Variants in PLD1 observed in about 807,000 individuals in gnomAD.
The protein encoded by PLD1 is phospholipase D1, also known as choline phosphatase 1.
Under a neutral mutation model 137.1 loss-of-function variants are expected in PLD1, and 112 were observed. The ratio of observed to expected loss-of-function variants is 0.82; its 90% CI spans 0.70 to 0.96. The LOEUF (loss-of-function observed/expected upper bound fraction) is 0.96. Ranked by LOEUF, PLD1 falls within the 40% of genes least tolerant of loss-of-function variation. The probability of loss-of-function intolerance (pLI) is 0.00; values close to 1 mark genes in which losing one functional copy is unlikely to be tolerated. For missense variants in PLD1, 1,321 were observed against 1,342.0 expected, an observed-to-expected ratio of 0.98 and a Z score of 0.24; for synonymous variants, 431 against 454.7, an observed-to-expected ratio of 0.95 and a Z score of 0.66.
chr3:171,620,742 C>CTCTATATA lies in PLD1; in HGVS notation c.2594-223_2594-222insTATATAGA, dbSNP rs1473647659. ...TTTCTCTCTCTCTCTCTCTCTCTCT[C>CTCTATATA]TATATATATATATATATATATATAT... is the stretch of plus-strand genomic sequence containing the variant. On this transcript the variant is annotated intron_variant, in intron 23 of 26. Coordinates refer to ENST00000351298, the MANE Select transcript of PLD1 (RefSeq NM_002662.5). Among the ~76,000 whole-genome samples, 353 of 94,740 alleles carry CTCTATATA rather than the reference C, an allele frequency of 3.7e-3. 1 individual carries two copies. Among genetic ancestry groups the CTCTATATA allele is most frequent in the Non-Finnish European group, 4.9e-3 (240 of 49,262 alleles). 62.2% of individuals were successfully genotyped at this position (94,740 alleles called of 152,430 possible). A position where few individuals can be genotyped will look rare whatever the true frequency, so the allele number is the denominator to read the frequency against.
intron 25 of PLD1, chr3:171,611,567 G>T (rs1732660428): frequency 9.6e-6 from 5 of 518,654 alleles, no homozygotes; most frequent in Admixed American, 1.9e-5. Context: ...CTTCACCACA[G>T]ATTAGTTTAA....
chr3:171,704,469 A>C lies in PLD1; in HGVS notation c.1145+4286T>G, dbSNP rs6781556. ...ACACAAAGAACCAGGAAAAAAAAAA[A>C]AAAAAAAACCTTATCTTGTACAGAA... is the stretch of plus-strand genomic sequence containing the variant. On this transcript the variant is annotated intron_variant, in intron 11 of 26. Coordinates refer to ENST00000351298, the MANE Select transcript of PLD1 (RefSeq NM_002662.5). 2.9e-4 allele frequency among the ~76,000 whole-genome samples: 43 copies of C among 150,502 alleles called. 1 individual carries two copies. Among genetic ancestry groups the C allele is most frequent in the Non-Finnish European group, 2.1e-4 (14 of 67,858 alleles).
intron 24 of PLD1, among the ~76,000 whole-genome samples, chr3:171,615,476 A>T (rs1733026907): frequency 6.6e-6 from 1 of 152,238 alleles, no homozygotes; most frequent in African/African-American, 2.4e-5. Context: ...ATATTACCAC[A>T]TCCCAGAAGG....
chr3:171,746,035 G>A (rs1560272390), intron 1 of PLD1, among the ~76,000 whole-genome samples: 1 of 152,166 alleles, frequency 6.6e-6, no homozygotes, highest in Non-Finnish European at 1.5e-5. Flanking sequence ...CGGGCAAGCA[G>A]TTGCGGAGGG....
intron 11 of PLD1, among the ~76,000 whole-genome samples, chr3:171,700,058 C>A (rs766234173): frequency 2.0e-5 from 3 of 151,716 alleles, no homozygotes; most frequent in African/African-American, 4.8e-5. Flanking sequence ...CTCTCTCCCC[C>A]CTCTTTAACT....
chr3:171,674,659 T>C, intron 18 of PLD1, 46 bp from the exon 19 acceptor site: 1 of 1,070,368 alleles, frequency 9.3e-7, no homozygotes, highest in Non-Finnish European at 1.4e-6. Context: ...GAAAAAAGAT[T>C]CATTCTCCCT....
At chr3:171,807,179 C>A (rs9853388) in intron 1 of PLD1, among the ~76,000 whole-genome samples, 2,357 of 152,116 alleles carry the variant, frequency 0.015, 56 homozygotes, top group African/African-American at 0.054. Context: ...GATGGTGATG[C>A]GCACCTCTAG....
chr3:171,639,702 A>G (rs1366281831), intron 23 of PLD1, among the ~76,000 whole-genome samples: 1 of 129,700 alleles, frequency 7.7e-6, no homozygotes, highest in Non-Finnish European at 1.6e-5. Flanking sequence ...CATATAATAT[A>G]TATTATATAA....
intron 1 of PLD1, among the ~76,000 whole-genome samples, chr3:171,757,337 A>T (rs1721096246): frequency 6.6e-6 from 1 of 152,202 alleles, no homozygotes; most frequent in Admixed American, 6.5e-5. Flanking sequence ...AAGGCTCAAT[A>T]ACTAGAAAAA....
chr3:171,692,248 T>C (rs1161016428), intron 13 of PLD1, 84 bp downstream of exon 13: 2 of 690,798 alleles, frequency 2.9e-6, no homozygotes, highest in South Asian at 1.8e-5. Flanking sequence ...ATTCTATAGA[T>C]TATTACTGCC....
chr3:171,663,988 CT>C (rs975454864), intron 19 of PLD1, among the ~76,000 whole-genome samples: 28 of 152,224 alleles, frequency 1.8e-4, no homozygotes, highest in African/African-American at 6.5e-4. Context: ...AAAACTCACA[CT>C]TACTAAAAAT....
In PLD1 at chr3:171,773,543, A is replaced by C. The variant is rs1448215583; in HGVS notation, c.-31-35461T>G. The stretch of plus-strand genomic sequence containing the variant: ...CTTGAACCCGGGAGGCGGAGGTTGC[A>C]GTGAGCCGACTTCGTGCCATTGCAC... On this transcript the variant is annotated intron_variant, in intron 1 of 26. Transcript: ENST00000351298. 1.3e-5 allele frequency among the ~76,000 whole-genome samples: 2 copies of C among 151,936 alleles called. 1 individual carries two copies. Among genetic ancestry groups the C allele is most frequent in the East Asian group, 4.0e-4 (2 of 5,044 alleles).
intron 1 of PLD1, among the ~76,000 whole-genome samples, chr3:171,740,783 A>G (rs984854190): frequency 4.6e-5 from 7 of 152,200 alleles, no homozygotes; most frequent in African/African-American, 1.7e-4. Context: ...TGTTTATTAC[A>G]TGCTAAACAC....
At chr3:171,702,554 A>G (rs1716341439) in intron 11 of PLD1, among the ~76,000 whole-genome samples, 1 of 152,120 alleles carries the variant, frequency 6.6e-6, no homozygotes, top group Admixed American at 6.6e-5. Context: ...ATTATATTAA[A>G]TGAATAATAA....
chr3:171,801,754 A>G lies in PLD1; in HGVS notation c.-32+8645T>C, dbSNP rs1723656244. ...TATGGCCTGCCTTTCTTACAAAGTG[A>G]TACACATTTCCCTAGTCCCCATGAC... is the stretch of plus-strand genomic sequence containing the variant. On this transcript the variant is annotated intron_variant, in intron 1 of 26. Coordinates refer to ENST00000351298, the MANE Select transcript of PLD1 (RefSeq NM_002662.5). Among the ~76,000 whole-genome samples the G allele has an allele frequency of 5.3e-5, 8 of 152,278 alleles. No individual in the cohort carries two copies. The South Asian group carries it at 1.7e-3, about 32-fold the overall frequency.
chr3:171,763,260 TA>T (rs1297458662), intron 1 of PLD1, among the ~76,000 whole-genome samples: 1 of 151,438 alleles, frequency 6.6e-6, no homozygotes, highest in Non-Finnish European at 1.5e-5. Context: ...AAAGGTTTAT[TA>T]AAAACATGCT....
chr3:171,707,029 A>G (rs1175858379), intron 11 of PLD1, among the ~76,000 whole-genome samples: 1 of 152,230 alleles, frequency 6.6e-6, no homozygotes, highest in Non-Finnish European at 1.5e-5. Flanking sequence ...ACATGGATGG[A>G]GCTGGAGGCC....
chr3:171,674,595 G>C lies in PLD1; in HGVS notation c.2134C>G (p.Arg712Gly). ...NFTKIMKSKY[R>G]SLSYPFLLPK... ...AGCAGAAAAGGATAAGAAAGGGACC[G>C]ATATTTTGATTTCATAATCTAAAAT... The change falls in exon 19 of 27, where the codon CGG (arginine) becomes GGG (glycine). Residue 712 changes from arginine to glycine, a missense_variant. Physicochemically the swap from Arg to Gly is moderately radical, Grantham distance 125 (BLOSUM62 -2). Transcript: ENST00000351298. 6.4e-7 allele frequency: 1 copy of C among 1,571,066 alleles called. No individual in the cohort carries two copies. Among genetic ancestry groups the C allele is most frequent in the South Asian group, 1.1e-5 (1 of 89,276 alleles).
chr3:171,637,019 T>G (rs2108351893), intron 23 of PLD1, among the ~76,000 whole-genome samples: 1 of 152,334 alleles, frequency 6.6e-6, no homozygotes, highest in South Asian at 2.1e-4. Flanking sequence ...TCTGTGTCAA[T>G]GAGATGATTA....
Sources: allele counts gnomAD v4.1 joint callset (sites outside exome capture counted in the v4.1 genomes callset), GRCh38; gene constraint gnomAD v4.1.1; transcripts MANE v1.5; gene names NCBI Gene and HGNC (gene_info 2026-07-23, HGNC 2026-07-21).